MASTL: variants seen among roughly 807,000 people sequenced by gnomAD.
The protein encoded by MASTL is serine/threonine-protein kinase greatwall.
In MASTL, 54 loss-of-function variants were observed where a neutral mutation model predicts 82.5. The ratio of observed to expected loss-of-function variants is 0.65; its 90% CI spans 0.53 to 0.82. The LOEUF is 0.82. Ranked by LOEUF, MASTL falls within the 40% of genes least tolerant of loss-of-function variation. The pLI is 0.00. For synonymous variants in MASTL, 323 were observed against 368.9 expected, an observed-to-expected ratio of 0.88 and a Z score of 1.43; for missense variants, 950 against 1,047.8, an observed-to-expected ratio of 0.91 and a Z score of 1.29.
At position 27,170,958 on chromosome 10, in the gene MASTL, A is replaced by C. The variant is rs755867388; in HGVS notation, c.1999A>C (p.Asn667His). 3 of 1,614,176 alleles carry C rather than the reference A, an allele frequency of 1.9e-6. No individual in the cohort carries two copies. The highest frequency in any genetic ancestry group is 2.5e-6 in the Non-Finnish European group (3 of 1,180,012). Residue 667 changes from asparagine to histidine, a missense_variant, in exon 8 of 12, where the codon AAC (asparagine) becomes CAC (histidine). Transcript: ENST00000375940. Reference sequence around the variant, plus strand: ...TAACAGTCATATTAATGCATCCAATAACTCAGAACCATCCAGAATGAACAT... The same window carrying C: ...TAACAGTCATATTAATGCATCCAATCACTCAGAACCATCCAGAATGAACAT... ...SFNSHINASN[N>H]SEPSRMNMTS...
chr10:27,171,792 T>C (rs2057949018), intron 8 of MASTL, among the ~76,000 whole-genome samples: 1 of 150,798 alleles, frequency 6.6e-6, no homozygotes, highest in African/African-American at 2.4e-5. Flanking sequence ...AGATGATCTC[T>C]TCTTAAGAGA....
At chr10:27,182,312 AG>A (rs1300201931) in intron 11 of MASTL, among the ~76,000 whole-genome samples, 2 of 152,048 alleles carry the variant, frequency 1.3e-5, no homozygotes, top group African/African-American at 4.8e-5. Context: ...ATTGGTACAA[AG>A]ATAATTCGAT....
upstream of MASTL, chr10:27,155,272 C>A: frequency 1.4e-6 from 1 of 720,404 alleles, no homozygotes; most frequent in Non-Finnish European, 2.2e-6. Context: ...CCTCCGTCCG[C>A]GTCTGCGTAG....
chr10:27,159,234 G>C lies in MASTL; in HGVS notation c.325-385G>C, dbSNP rs1363401994. 1.3e-5 allele frequency among the ~76,000 whole-genome samples: 2 copies of C among 152,126 alleles called. No individual in the cohort carries two copies. Among genetic ancestry groups the C allele is most frequent in the Non-Finnish European group, 2.9e-5 (2 of 68,026 alleles). ...GTGCCTCAACCTCCCAAGTAGCTGA[G>C]ATTACAGGCCCAGCTAATTTTTTGT... On this transcript the variant is annotated intron_variant, in intron 2 of 11. Coordinates refer to ENST00000375940, the MANE Select transcript of MASTL (RefSeq NM_001172303.3). The surrounding 1 kb of genome is among the most constrained non-coding windows in gnomAD (Gnocchi z 4.0).
chr10:27,181,978 G>A (rs1254942268), intron 11 of MASTL, among the ~76,000 whole-genome samples: 2 of 151,558 alleles, frequency 1.3e-5, no homozygotes, highest in African/African-American at 4.9e-5. Context: ...GGGAGGCTGA[G>A]GCAGGAGAAT....
chr10:27,171,835 T>TTTTTTA (rs1419686617), intron 8 of MASTL, among the ~76,000 whole-genome samples: 2 of 138,382 alleles, frequency 1.4e-5, no homozygotes, highest in Admixed American at 1.4e-4. Context: ...CTTTTTTTTT[T>TTTTTTA]TTTTTTTTTT....
Position 27,170,030 on chromosome 10 carries a change from GA to G in MASTL, c.1074del (p.Gly359ValfsTer9), listed in dbSNP as rs756848361. 1 of 1,614,106 alleles carries G rather than the reference GA, an allele frequency of 6.2e-7. No individual in the cohort carries two copies. Among genetic ancestry groups the G allele is most frequent in the Admixed American group, 1.7e-5 (1 of 60,014 alleles). Reference sequence around the variant, plus strand: ...CAAAATCTGCAAATGCCATTGAGACGAAAGGTTTCAATAAAAAGGATCTGGA... The same window carrying G: ...CAAAATCTGCAAATGCCATTGAGACGAAGGTTTCAATAAAAAGGATCTGGA... ...CAKSANAIET[K>X]GFNKKDLELA... On this transcript the variant is annotated frameshift_variant, in exon 8 of 12. Transcript: ENST00000375940. LOFTEE classifies it high-confidence loss of function.
chr10:27,167,322 G>A, intron 7 of MASTL, 48 bp downstream of exon 7: 3 of 1,462,762 alleles, frequency 2.1e-6, no homozygotes, highest in Non-Finnish European at 2.9e-6. Context: ...TATGTCAAAT[G>A]AATGTGAGAA....
chr10:27,172,916 T>C (rs1029571610), intron 8 of MASTL, among the ~76,000 whole-genome samples: 1 of 152,184 alleles, frequency 6.6e-6, no homozygotes, highest in Non-Finnish European at 1.5e-5. Context: ...TTGTCTAAGC[T>C]TTTGAACTTC....
chr10:27,170,861 A>T lies in MASTL; in HGVS notation c.1902A>T (p.Lys634Asn). 1.2e-6 allele frequency: 2 copies of T among 1,614,172 alleles called. No homozygotes were observed. The highest frequency in any genetic ancestry group is 1.7e-6 in the Non-Finnish European group (2 of 1,180,020). The change falls in exon 8 of 12, where the codon AAA (lysine) becomes AAT (asparagine). Residue 634 changes from lysine (K) to asparagine (N), a missense_variant. Physicochemically the swap from Lys to Asn is moderately conservative, Grantham distance 94. Coordinates refer to ENST00000375940, the MANE Select transcript of MASTL (RefSeq NM_001172303.3). Reference sequence around the variant, plus strand: ...CTGCTGTACAAGAGAGTAACCAAAAAATGTTAGGTCCTCCTTTGGAGGTGC... The same window carrying T: ...CTGCTGTACAAGAGAGTAACCAAAATATGTTAGGTCCTCCTTTGGAGGTGC... ...ENPAVQESNQ[K>N]MLGPPLEVLK...
upstream of MASTL, chr10:27,154,911 CAG>C (rs1379263023): frequency 6.1e-6 from 1 of 164,038 alleles, no homozygotes; most frequent in Non-Finnish European, 1.3e-5. Flanking sequence ...CGTCAGATGA[CAG>C]GGGAGGCCAC....
chr10:27,159,757 A>G lies in MASTL; in HGVS notation c.463A>G (p.Arg155Gly). The G allele has an allele frequency of 5.0e-6, 8 of 1,611,136 alleles. No homozygotes were observed. The highest frequency in any genetic ancestry group is 6.8e-6 in the Non-Finnish European group (8 of 1,177,748). Residue 155 changes from arginine (R) to glycine (G), a missense_variant and splice_region_variant, in exon 3 of 12, where the codon AGG (arginine) becomes GGG (glycine). Arg to Gly is a moderately radical substitution (Grantham distance 125, BLOSUM62 -2). Transcript: ENST00000375940. The surrounding 1 kb of genome is among the most constrained non-coding windows in gnomAD (Gnocchi z 4.0). ...CCTTCACAGACATGGAATCATCCAC[A>G]GGTAAAGACTGACTTCTCCAAATTA... ...DYLHRHGIIH[R>G]DLKPDNMLIS...
intron 7 of MASTL, among the ~76,000 whole-genome samples, chr10:27,169,245 C>T (rs1463912204): frequency 6.6e-6 from 1 of 152,006 alleles, no homozygotes; most frequent in Non-Finnish European, 1.5e-5. Context: ...AAATTTCAAG[C>T]CCTGTGCATT....
chr10:27,185,791 A>AT (rs527929759), intron 11 of MASTL, among the ~76,000 whole-genome samples: 2 of 150,562 alleles, frequency 1.3e-5, no homozygotes, highest in Non-Finnish European at 3.0e-5. Flanking sequence ...CATTTCAAAA[A>AT]AAAAAAAAGA....
In MASTL at chr10:27,159,503, A is replaced by G; in HGVS notation, c.325-116A>G. ...TTAATGTATTACGAGTAATAGCAAGAAAAGGTCGTTTCATTACAGAGCCAT... is the reference window on the plus strand; with the variant it reads ...TTAATGTATTACGAGTAATAGCAAGGAAAGGTCGTTTCATTACAGAGCCAT... On this transcript the variant is annotated intron_variant, in intron 2 of 11. Coordinates refer to ENST00000375940, the MANE Select transcript of MASTL (RefSeq NM_001172303.3). The surrounding 1 kb of genome is among the most constrained non-coding windows in gnomAD (Gnocchi z 4.0). 1.4e-6 allele frequency: 1 copy of G among 692,224 alleles called. No homozygotes were observed. Among genetic ancestry groups the G allele is most frequent in the Non-Finnish European group, 2.5e-6 (1 of 400,318 alleles). The allele number at this position is 692,224 out of a possible 1,614,324, so 42.9% of individuals were successfully genotyped here. A position where few individuals can be genotyped will look rare whatever the true frequency, so the allele number is the denominator to read the frequency against.
At chr10:27,161,587 T>A (rs533632062) in intron 4 of MASTL, among the ~76,000 whole-genome samples, 1 of 152,138 alleles carries the variant, frequency 6.6e-6, no homozygotes, top group Admixed American at 6.6e-5. Flanking sequence ...AGAGACTACA[T>A]TTCATTAACT....
Position 27,159,556 on chromosome 10 carries a change from A to G in MASTL, c.325-63A>G. 1.7e-6 allele frequency: 2 copies of G among 1,206,622 alleles called. No homozygotes were observed. Among genetic ancestry groups the G allele is most frequent in the Non-Finnish European group, 1.2e-6 (1 of 823,402 alleles). 74.7% of individuals were successfully genotyped at this position (1,206,622 alleles called of 1,614,324 possible). A position where few individuals can be genotyped will look rare whatever the true frequency, so the allele number is the denominator to read the frequency against. ...CAAATATTGTAACTGTAATGCCCAAATACTAGATTTTTAAAGTAATCATAT... is the reference window on the plus strand; with the variant it reads ...CAAATATTGTAACTGTAATGCCCAAGTACTAGATTTTTAAAGTAATCATAT... On this transcript the variant is annotated intron_variant, in intron 2 of 11. Coordinates refer to ENST00000375940, the MANE Select transcript of MASTL (RefSeq NM_001172303.3). The surrounding 1 kb of genome is among the most constrained non-coding windows in gnomAD (Gnocchi z 4.0).
At chr10:27,179,976 G>T (rs2058220464) in intron 9 of MASTL, among the ~76,000 whole-genome samples, 1 of 152,162 alleles carries the variant, frequency 6.6e-6, no homozygotes, top group Non-Finnish European at 1.5e-5. Context: ...GAAAAAAATG[G>T]CTTTATCTTC....
intron 9 of MASTL, among the ~76,000 whole-genome samples, chr10:27,177,258 T>C (rs540314528): frequency 1.3e-5 from 2 of 152,230 alleles, no homozygotes; most frequent in African/African-American, 4.8e-5. Context: ...TTAGTGTTCC[T>C]CTTTCTCGCT....
Sources: gnomAD v4.1 joint callset for allele counts (sites outside exome capture counted in the v4.1 genomes callset) on GRCh38, gnomAD v4.1.1 for gene constraint, Gnocchi (gnomAD v3.1) non-coding constraint, MANE v1.5 for transcripts, NCBI Gene and HGNC (gene_info 2026-07-23, HGNC 2026-07-21) for gene names.